Variants in TBC1D9 observed in about 807,000 individuals in gnomAD.
TBC1D9 encodes TBC1 domain family member 9A.
In TBC1D9, 63 loss-of-function variants were observed where a neutral mutation model predicts 132.0. The observed-to-expected ratio is 0.48, with a 90% CI of 0.39 to 0.59. The LOEUF is 0.59. Ranked by LOEUF, TBC1D9 falls within the 20% of genes least tolerant of loss-of-function variation. The pLI is 0.00. For synonymous variants in TBC1D9, 610 were observed against 609.9 expected (o/e 1.00, Z 0.00); for missense variants, 1,261 against 1,592.7 (o/e 0.79, Z 3.54).
intron 2 of TBC1D9, among the ~76,000 whole-genome samples, chr4:140,687,322 T>C (rs1357462919): frequency 8.1e-5 from 2 of 24,614 alleles, no homozygotes; most frequent in Non-Finnish European, 2.2e-4. Flanking sequence ...TATATATATA[T>C]GTGTGTGTGT....
rs201838595 is a variant in TBC1D9 at position 140,670,097 on chromosome 4, G to A, written c.1267-293C>T. Among the ~76,000 whole-genome samples, 9 of 152,266 alleles carry A rather than the reference G, an allele frequency of 5.9e-5. No individual in the cohort carries two copies. In the East Asian group the frequency reaches 9.6e-4, roughly 16 times the overall value. ...ATTTGTTTCTCTGATTTGCATGTAT[G>A]CAAAGCATGTCATGGTTGAATCAGC... On this transcript the variant is annotated intron_variant, in intron 7 of 20. Coordinates refer to ENST00000442267, the MANE Select transcript of TBC1D9 (RefSeq NM_015130.3).
At chr4:140,670,250 G>C (rs1737514770) in intron 7 of TBC1D9, among the ~76,000 whole-genome samples, 1 of 152,130 alleles carries the variant, frequency 6.6e-6, no homozygotes, top group African/African-American at 2.4e-5. Flanking sequence ...TGTTTTATCT[G>C]CCATAACTTC....
chr4:140,684,606 T>C (rs1043532293), intron 3 of TBC1D9, among the ~76,000 whole-genome samples: 1 of 151,952 alleles, frequency 6.6e-6, no homozygotes, highest in Non-Finnish European at 1.5e-5. Context: ...CTCCTGGCTA[T>C]TGTCACTTCT....
chr4:140,689,562 C>T (rs1317454830), intron 2 of TBC1D9, among the ~76,000 whole-genome samples: 2 of 119,546 alleles, frequency 1.7e-5, no homozygotes. Context: ...TTTTCCTTTC[C>T]CTTCTCCTTT....
At chr4:140,696,473 A>G (rs1737960670) in intron 2 of TBC1D9, among the ~76,000 whole-genome samples, 1 of 151,144 alleles carries the variant, frequency 6.6e-6, no homozygotes. Flanking sequence ...AAAAAAAAAA[A>G]AAAAAAAAGA....
chr4:140,666,340 T>G (rs1243197755), intron 9 of TBC1D9, among the ~76,000 whole-genome samples: 2 of 152,146 alleles, frequency 1.3e-5, no homozygotes, highest in Admixed American at 1.3e-4. Flanking sequence ...TTTATATTTA[T>G]TTTCCTTTTT....
At chr4:140,670,621 C>T (rs1051208109) in intron 7 of TBC1D9, 99 bp downstream of exon 7, 37 of 950,748 alleles carry the variant, frequency 3.9e-5, no homozygotes, top group East Asian at 7.3e-5. Context: ...GGGCGTCAGA[C>T]GCAAAGCTTG....
rs530256326 is a variant in TBC1D9, at chr4:140,628,322, C to T, written c.2790G>A (p.Leu930=). 6 of 1,613,948 alleles carry T rather than the reference C, an allele frequency of 3.7e-6. No individual in the cohort carries two copies. In the African/African-American group the frequency reaches 4.0e-5, roughly 11 times the overall value. Residue 930 remains leucine (L), a synonymous_variant, in exon 17 of 21, where the codon CTG becomes CTA. Transcript: ENST00000442267. ...CACCAGGCAAGACGTGCATTTTGTA[C>T]AGGAGTTTGAGCTTCTCTGTGAGGT... ...HGDLTEKLKL[L]YKMHVLPEPS...
chr4:140,634,304 C>T, intron 15 of TBC1D9, 116 bp from the exon 16 acceptor site: 1 of 1,448,340 alleles, frequency 6.9e-7, no homozygotes, highest in South Asian at 1.4e-5. Context: ...TCCCCTGGGG[C>T]AGGGCTGTGG....
intron 1 of TBC1D9, among the ~76,000 whole-genome samples, chr4:140,748,947 A>G (rs2111085115): frequency 6.6e-6 from 1 of 152,354 alleles, no homozygotes; most frequent in East Asian, 1.9e-4. Flanking sequence ...CCTTGGGTTG[A>G]AAATATGTTA....
chr4:140,749,391 G>C (rs891247892), intron 1 of TBC1D9, among the ~76,000 whole-genome samples: 6 of 152,052 alleles, frequency 3.9e-5, no homozygotes, highest in Non-Finnish European at 8.8e-5. Context: ...AAAAAGCAAG[G>C]AAGGCAAAAT....
chr4:140,669,833 G>A, intron 7 of TBC1D9, 29 bp from the exon 8 acceptor site: 2 of 1,588,440 alleles, frequency 1.3e-6, no homozygotes, highest in South Asian at 1.1e-5. Flanking sequence ...ACAAGACATT[G>A]GGAGGACACG....
At chr4:140,744,930 C>T (rs985887998) in intron 1 of TBC1D9, among the ~76,000 whole-genome samples, 4 of 150,026 alleles carry the variant, frequency 2.7e-5, no homozygotes, top group African/African-American at 9.8e-5. Context: ...CAACCCCTTA[C>T]CTTTACCCAG....
intron 13 of TBC1D9, among the ~76,000 whole-genome samples, chr4:140,641,105 C>CAAAAAAA (rs1038335139): frequency 1.7e-5 from 1 of 59,778 alleles, no homozygotes; most frequent in Non-Finnish European, 3.1e-5. Context: ...AAAAAAAAAA[C>CAAAAAAA]AAAAAAAAAC....
intron 13 of TBC1D9, chr4:140,643,911 G>T: frequency 1.4e-6 from 1 of 696,292 alleles, no homozygotes. Context: ...CTCCAGAGGC[G>T]GCAGCTCTGC....
chr4:140,633,980 A>G lies in TBC1D9; in HGVS notation c.2714T>C (p.Leu905Ser). Residue 905 changes from leucine to serine, a missense_variant, in exon 16 of 21, where the codon TTG becomes TCG. Leu to Ser is a moderately radical substitution (Grantham distance 145, BLOSUM62 -2). Transcript: ENST00000442267. ...FQLLDENGDS[L>S]INFREFVSGL... is the part of the protein sequence containing the mutation. ...AGAGACAAACTCCCGGAAGTTAATC[A>G]AAGAGTCTCCATTTTCATCTAATAA... is the stretch of plus-strand genomic sequence containing the variant. The G allele has an allele frequency of 4.3e-6, 7 of 1,614,018 alleles. No homozygotes were observed. The highest frequency in any genetic ancestry group is 5.9e-6 in the Non-Finnish European group (7 of 1,179,896).
At chr4:140,643,184 C>T in intron 13 of TBC1D9, 1 of 1,428,706 alleles carries the variant, frequency 7.0e-7, no homozygotes, top group Non-Finnish European at 9.6e-7. Context: ...GCAGGCTCTC[C>T]AGTGAGGGCC....
Position 140,709,248 on chromosome 4 carries a change from TCACA to T in TBC1D9, c.131-7638_131-7635del, listed in dbSNP as rs36222926. ...CTCTCTCTCTCTCTCTCTCTCTCTC[TCACA>T]CACACACACACACACACACACACAC... On this transcript the variant is annotated intron_variant, in intron 1 of 20. Coordinates refer to ENST00000442267, the MANE Select transcript of TBC1D9 (RefSeq NM_015130.3). Among the ~76,000 whole-genome samples, 467 of 104,088 alleles carry T rather than the reference TCACA, an allele frequency of 4.5e-3. 4 individuals are homozygous for T. The highest frequency in any genetic ancestry group is 0.012 in the African/African-American group (271 of 22,674). The allele number at this position is 104,088 out of a possible 152,430, so 68.3% of individuals were successfully genotyped here.
chr4:140,677,609 C>G (rs1737646040), intron 5 of TBC1D9, among the ~76,000 whole-genome samples: 1 of 152,202 alleles, frequency 6.6e-6, no homozygotes, highest in African/African-American at 2.4e-5. Context: ...GCTGGGTCTT[C>G]TGTTAACTAC....
Sources: allele counts gnomAD v4.1 joint callset (sites outside exome capture counted in the v4.1 genomes callset), GRCh38; gene constraint gnomAD v4.1.1; transcripts MANE v1.5; gene names NCBI Gene and HGNC (gene_info 2026-07-23, HGNC 2026-07-21).